CCSER1: variants seen among roughly 807,000 people sequenced by gnomAD.
CCSER1 encodes serine-rich coiled-coil domain-containing protein 1.
A neutral mutation model predicts 82.0 loss-of-function variants in CCSER1; 41 were observed. The ratio of observed to expected loss-of-function variants is 0.50; its 90% CI spans 0.39 to 0.65. The LOEUF is 0.65. Ranked by LOEUF, CCSER1 falls within the 30% of genes least tolerant of loss-of-function variation. The pLI is 0.00. For missense variants in CCSER1, 1,119 were observed against 1,064.2 expected (o/e 1.05, Z -0.72); for synonymous variants, 414 against 383.9 (o/e 1.08, Z -0.92).
At chr4:91,444,839 T>G (rs771814773) in intron 10 of CCSER1, among the ~76,000 whole-genome samples, 25 of 152,196 alleles carry the variant, frequency 1.6e-4, no homozygotes, top group Admixed American at 5.9e-4. Flanking sequence ...TGTCCTTGCT[T>G]GCTTTAATCA....
intron 10 of CCSER1, among the ~76,000 whole-genome samples, chr4:91,369,546 G>A (rs926897308): frequency 4.6e-5 from 7 of 150,564 alleles, no homozygotes; most frequent in Middle Eastern, 3.6e-3. Context: ...CAAAGTAGTC[G>A]TTTTCATAAA....
At chr4:90,411,052 A>C (rs1754692951) in intron 4 of CCSER1, among the ~76,000 whole-genome samples, 1 of 152,340 alleles carries the variant, frequency 6.6e-6, no homozygotes, top group South Asian at 2.1e-4. Flanking sequence ...CTGGACACAT[A>C]CACCTCCTAA....
At chr4:90,755,330 A>G (rs1749331190) in intron 7 of CCSER1, among the ~76,000 whole-genome samples, 1 of 152,090 alleles carries the variant, frequency 6.6e-6, no homozygotes, top group Non-Finnish European at 1.5e-5. Context: ...GCATAAGTTT[A>G]TTTTCCCATA....
At chr4:90,948,807 A>AT in intron 9 of CCSER1, among the ~76,000 whole-genome samples, 1 of 152,092 alleles carries the variant, frequency 6.6e-6, no homozygotes, top group African/African-American at 2.4e-5. Context: ...AATTCACATG[A>AT]TTTTTTGTTT....
rs145233837 is a variant in CCSER1 at position 90,485,278 on chromosome 4, G to A, written c.1724+16924G>A. On this transcript the variant is annotated intron_variant, in intron 5 of 10. Coordinates refer to ENST00000509176, the MANE Select transcript of CCSER1 (RefSeq NM_001145065.2). ...ATTTTCCAGGTGCTGTCTGTCACCC[G>A]TTTCTTTGACTAGGAAAGTGAATTC... is the stretch of plus-strand genomic sequence containing the variant. Among the ~76,000 whole-genome samples, 513 of 152,240 alleles carry A rather than the reference G, an allele frequency of 3.4e-3. 2 individuals are homozygous for A. The highest frequency in any genetic ancestry group is 0.011 in the African/African-American group (465 of 41,546).
chr4:90,883,295 A>G (rs1013725577), intron 8 of CCSER1, among the ~76,000 whole-genome samples: 5 of 152,090 alleles, frequency 3.3e-5, no homozygotes, highest in Admixed American at 2.6e-4. Context: ...ATGACAAACC[A>G]TTAACTTTAT....
chr4:90,280,735 A>G (rs1288096667), intron 1 of CCSER1, among the ~76,000 whole-genome samples: 1 of 151,968 alleles, frequency 6.6e-6, no homozygotes, highest in African/African-American at 2.4e-5. Flanking sequence ...TTGTCAGTTT[A>G]AAAAATTAGA....
At chr4:91,122,213 C>T (rs1727145720) in intron 10 of CCSER1, among the ~76,000 whole-genome samples, 1 of 151,692 alleles carries the variant, frequency 6.6e-6, no homozygotes, top group East Asian at 1.9e-4. Context: ...AAAAAATCAA[C>T]AGTAAATAGT....
chr4:90,710,074 A>C (rs114486274), intron 6 of CCSER1, among the ~76,000 whole-genome samples: 2,709 of 151,458 alleles, frequency 0.018, 65 homozygotes, highest in African/African-American at 0.056. Flanking sequence ...TGTTGGCTGC[A>C]TGTATGTCTT....
chr4:91,229,429 A>G (rs1430318330), intron 10 of CCSER1, among the ~76,000 whole-genome samples: 1 of 152,062 alleles, frequency 6.6e-6, no homozygotes, highest in Non-Finnish European at 1.5e-5. Context: ...AAATTATGTT[A>G]GTCTTAAACT....
intron 10 of CCSER1, among the ~76,000 whole-genome samples, chr4:91,185,523 A>C (rs535054693): frequency 6.6e-6 from 1 of 152,178 alleles, no homozygotes; most frequent in Non-Finnish European, 1.5e-5. Flanking sequence ...AATCTACTGC[A>C]GTGCTACCGG....
At chr4:90,465,661 C>T (rs1763526270) in intron 4 of CCSER1, among the ~76,000 whole-genome samples, 1 of 152,070 alleles carries the variant, frequency 6.6e-6, no homozygotes, top group Non-Finnish European at 1.5e-5. Flanking sequence ...TATTTATGTG[C>T]TTGAACTGAA....
intron 10 of CCSER1, among the ~76,000 whole-genome samples, chr4:91,134,761 G>T (rs137988026): frequency 3.9e-3 from 600 of 152,170 alleles, no homozygotes; most frequent in Middle Eastern, 0.01. Context: ...AATATTTTCA[G>T]TCTTAAAATA....
In CCSER1 at chr4:91,571,868, C is replaced by T. The variant is rs576703018; in HGVS notation, c.2218-26704C>T. ...AGCAGTGGTGGGGTGTGTATAGACT[C>T]GTGGTGTGTGACCCATGGGATATGG... is the stretch of plus-strand genomic sequence containing the variant. On this transcript the variant is annotated intron_variant, in intron 10 of 10. Transcript: ENST00000509176. Among the ~76,000 whole-genome samples the T allele has an allele frequency of 4.6e-5, 7 of 152,184 alleles. No individual in the cohort carries two copies. In the East Asian group the frequency reaches 7.8e-4, roughly 17 times the overall value.
At chr4:90,729,712 A>ACC (rs1158580046) in intron 7 of CCSER1, among the ~76,000 whole-genome samples, 4 of 151,946 alleles carry the variant, frequency 2.6e-5, no homozygotes, top group Non-Finnish European at 5.9e-5. Flanking sequence ...CGTCTCTACT[A>ACC]AAAATACAAA....
Position 90,315,728 on chromosome 4 carries a change from A to T in CCSER1, c.1509+2681A>T, listed in dbSNP as rs531797010. Among the ~76,000 whole-genome samples, 13 of 152,232 alleles carry T rather than the reference A, an allele frequency of 8.5e-5. No homozygotes were observed. In the East Asian group the frequency reaches 2.5e-3, roughly 30 times the overall value. ...CATGTTGGCCTGATTGGTCTTGAAC[A>T]CCTGACCTCAGGTGATCCACTCACA... is the stretch of plus-strand genomic sequence containing the variant. On this transcript the variant is annotated intron_variant, in intron 3 of 10. Coordinates refer to ENST00000509176, the MANE Select transcript of CCSER1 (RefSeq NM_001145065.2).
At chr4:90,837,231 T>A (rs1761915298) in intron 8 of CCSER1, among the ~76,000 whole-genome samples, 1 of 152,158 alleles carries the variant, frequency 6.6e-6, no homozygotes. Context: ...CTGTGATTAT[T>A]TTTCTTCTAA....
intron 1 of CCSER1, among the ~76,000 whole-genome samples, chr4:90,229,982 C>A (rs189948796): frequency 5.9e-5 from 9 of 152,124 alleles, no homozygotes; most frequent in African/African-American, 1.7e-4. Flanking sequence ...AAGTCCTGAG[C>A]GACCTACAAA....
chr4:90,906,453 G>T (rs918533467), intron 8 of CCSER1, among the ~76,000 whole-genome samples: 1 of 151,996 alleles, frequency 6.6e-6, no homozygotes, highest in African/African-American at 2.4e-5. Context: ...TGTGTTTCTG[G>T]AATGCTGTCA....
Sources: gnomAD v4.1 joint callset for allele counts (sites outside exome capture counted in the v4.1 genomes callset) on GRCh38, gnomAD v4.1.1 for gene constraint, MANE v1.5 for transcripts, NCBI Gene and HGNC (gene_info 2026-07-23, HGNC 2026-07-21) for gene names.